MYO1H: variants seen among roughly 807,000 people sequenced by gnomAD.
MYO1H encodes myosin IH, also known as unconventional myosin-Ih.
Under a neutral mutation model 149.3 loss-of-function variants are expected in MYO1H, and 118 were observed. The ratio of observed to expected loss-of-function variants is 0.79; its 90% CI spans 0.68 to 0.92. The LOEUF is 0.92. MYO1H is among the 40% of genes least tolerant of loss of function. The pLI is 0.00. For synonymous variants in MYO1H, 447 were observed against 465.2 expected (o/e 0.96, Z 0.50); for missense variants, 1,212 against 1,280.7 (o/e 0.95, Z 0.82).
intron 2 of MYO1H, among the ~76,000 whole-genome samples, chr12:109,391,080 A>G (rs1311798219): frequency 6.6e-6 from 1 of 152,020 alleles, no homozygotes; most frequent in Non-Finnish European, 1.5e-5. Context: ...CTTTTTTTGT[A>G]TCTTCAACTT....
At chr12:109,438,409 C>T in intron 22 of MYO1H, 127 bp from the exon 23 acceptor site, 1 of 719,314 alleles carries the variant, frequency 1.4e-6, no homozygotes, top group Non-Finnish European at 2.4e-6. Context: ...CCTTCCATCT[C>T]TGAGGCTAAC....
the MYO1H span, among the ~76,000 whole-genome samples, chr12:109,337,649 A>G: frequency 1.3e-5 from 2 of 152,298 alleles, no homozygotes; most frequent in East Asian, 1.9e-4. Flanking sequence ...CCATGATTCA[A>G]TTACCTCCCA....
At chr12:109,426,118 T>G in intron 18 of MYO1H, 67 bp downstream of exon 18, 1 of 1,099,182 alleles carries the variant, frequency 9.1e-7, no homozygotes, top group Admixed American at 1.9e-5. Context: ...AAGGTGGCAG[T>G]GGGTTGGGAT....
intron 1 of MYO1H, among the ~76,000 whole-genome samples, chr12:109,386,202 T>G (rs905410880): frequency 6.6e-6 from 1 of 152,262 alleles, no homozygotes; most frequent in African/African-American, 2.4e-5. Flanking sequence ...ATTTCTCTTT[T>G]ATTGCTGTCC....
At chr12:109,354,630 A>G (rs188052597) in intron 1 of MYO1H, among the ~76,000 whole-genome samples, 4,987 of 134,022 alleles carry the variant, frequency 0.037, 130 homozygotes, top group Middle Eastern at 0.075. Context: ...AAAAAAAAAA[A>G]AAAAGAAAAG....
intron 5 of MYO1H, among the ~76,000 whole-genome samples, chr12:109,398,322 CTG>C (rs1216781034): frequency 1.3e-5 from 2 of 152,364 alleles, no homozygotes; most frequent in Non-Finnish European, 1.5e-5. Flanking sequence ...AACGACTACA[CTG>C]TGGTGTGTTC....
chr12:109,318,352 A>G, the MYO1H span, among the ~76,000 whole-genome samples: 189 of 152,288 alleles, frequency 1.2e-3, 2 homozygotes, highest in African/African-American at 4.4e-3. Flanking sequence ...CCTAGGAGGT[A>G]GAGGCTAATT....
chr12:109,353,962 G>T (rs936803337), intron 1 of MYO1H: 1 of 152,276 alleles, frequency 6.6e-6, no homozygotes, highest in African/African-American at 2.4e-5. Flanking sequence ...GCCAGCAGTG[G>T]TAATTTCTGA....
chr12:109,425,181 T>C (rs1871311813), intron 17 of MYO1H, among the ~76,000 whole-genome samples: 1 of 151,744 alleles, frequency 6.6e-6, no homozygotes, highest in Admixed American at 6.6e-5. Flanking sequence ...AAAGAAAAAA[T>C]CAATTAGCCA....
the MYO1H span, among the ~76,000 whole-genome samples, chr12:109,329,161 A>G: frequency 6.7e-6 from 1 of 149,976 alleles, no homozygotes; most frequent in Non-Finnish European, 1.5e-5. Context: ...TTTATTGTAT[A>G]TATCTGTGTA....
Position 109,370,053 on chromosome 12 carries a change from C to T in MYO1H, c.13-18630C>T, listed in dbSNP as rs1041867407. Among the ~76,000 whole-genome samples, 16 of 152,188 alleles carry T rather than the reference C, an allele frequency of 1.1e-4. No homozygotes were observed. In the East Asian group the frequency reaches 1.4e-3, roughly 13 times the overall value. On this transcript the variant is annotated intron_variant, in intron 1 of 31. Transcript: ENST00000310903. ...TCATGAGAACAGCACAGGGAAGACC[C>T]GCCCCCGTGATTCAATTACCTCCCA...
chr12:109,439,940 ACTC>A (rs1272978358), intron 24 of MYO1H, 150 bp downstream of exon 24: 5 of 710,672 alleles, frequency 7.0e-6, no homozygotes, highest in Admixed American at 5.6e-5. Flanking sequence ...AAGAAATTGA[ACTC>A]CTCAGAATTT....
chr12:109,343,591 C>G (rs1225240575), upstream of MYO1H, among the ~76,000 whole-genome samples: 1 of 151,846 alleles, frequency 6.6e-6, no homozygotes, highest in Non-Finnish European at 1.5e-5. Context: ...AACCCATATG[C>G]CACTGGAGAT....
chr12:109,316,123 CTGCA>C, the MYO1H span, among the ~76,000 whole-genome samples: 1 of 129,098 alleles, frequency 7.7e-6, no homozygotes, highest in Non-Finnish European at 1.5e-5. Flanking sequence ...CATAATTCCT[CTGCA>C]TGCTTCAAGC....
rs149545661 is a variant in MYO1H, at chr12:109,350,702, T to C, written c.12+2730T>C. 1.2e-3 allele frequency among the ~76,000 whole-genome samples: 179 copies of C among 152,346 alleles called. 2 individuals carry two copies. The highest frequency in any genetic ancestry group is 3.9e-3 in the African/African-American group (164 of 41,576). On this transcript the variant is annotated intron_variant, in intron 1 of 31. Coordinates refer to ENST00000310903, the Ensembl canonical transcript of MYO1H. ...CATTCAATATTTATAGAAGGTGGCT[T>C]CTACTGTTTCAGATGAGCACTTTTC... is the stretch of plus-strand genomic sequence containing the variant.
chr12:109,434,827 A>C (rs779829277), intron 20 of MYO1H, among the ~76,000 whole-genome samples: 15 of 152,130 alleles, frequency 9.9e-5, no homozygotes, highest in Non-Finnish European at 1.5e-4. Flanking sequence ...TTCTGTGTGT[A>C]TAGAGACACT....
the MYO1H span, among the ~76,000 whole-genome samples, chr12:109,325,804 G>C: frequency 6.6e-6 from 1 of 152,100 alleles, no homozygotes; most frequent in Non-Finnish European, 1.5e-5. Context: ...ATGCGGCCAA[G>C]AAAACATGAA....
chr12:109,407,645 T>G (rs1331037942), intron 9 of MYO1H, 149 bp from the exon 10 acceptor site: 3 of 596,194 alleles, frequency 5.0e-6, no homozygotes, highest in Non-Finnish European at 2.6e-6. Context: ...GGTGGGCACC[T>G]GTAGTCCCAG....
chr12:109,363,718 AAAAG>A (rs1232182278), intron 1 of MYO1H, among the ~76,000 whole-genome samples: 2 of 152,080 alleles, frequency 1.3e-5, no homozygotes, highest in African/African-American at 4.8e-5. Flanking sequence ...GTCTCAAAAA[AAAAG>A]AAGAAGACGC....
Sources: allele counts gnomAD v4.1 joint callset (sites outside exome capture counted in the v4.1 genomes callset), GRCh38; gene constraint gnomAD v4.1.1; transcripts MANE v1.5; gene names NCBI Gene and HGNC (gene_info 2026-07-23, HGNC 2026-07-21).